NF2: variants seen among roughly 807,000 people sequenced by gnomAD.
NF2 encodes the protein merlin.
In NF2, 8 loss-of-function variants were observed where a neutral mutation model predicts 83.7. The ratio of observed to expected loss-of-function variants is 0.10; its 90% CI spans 0.06 to 0.17. The LOEUF is 0.17. Among genes scored for constraint, NF2 ranks in the 10% least tolerant of loss-of-function variants. The pLI, the probability that NF2 is intolerant of heterozygous loss-of-function variation, is 1.00. For synonymous variants in NF2, 266 were observed against 269.6 expected, an observed-to-expected ratio of 0.99 and a Z score of 0.13; for missense variants, 533 against 744.4, an observed-to-expected ratio of 0.72 and a Z score of 3.31.
Position 29,609,036 on chromosome 22 carries a change from T to C in NF2, c.114+4924T>C. 8.5e-6 allele frequency: 6 copies of C among 709,574 alleles called. No homozygotes were observed. The South Asian group carries it at 9.0e-5, about 11-fold the overall frequency. The allele number at this position is 709,574 out of a possible 1,614,324, so 44.0% of individuals were successfully genotyped here. The stretch of plus-strand genomic sequence containing the variant: ...TAATGGATGAACATGCATGTGATGG[T>C]GTCCAAGCCAGAACAGTGGGTAAAG... On this transcript the variant is annotated intron_variant, in intron 1 of 15. Transcript: ENST00000338641.
intron 5 of NF2, among the ~76,000 whole-genome samples, chr22:29,655,284 G>C (rs999157305): frequency 3.9e-5 from 6 of 152,186 alleles, no homozygotes; most frequent in Non-Finnish European, 8.8e-5. Context: ...CCTGAGATGA[G>C]TGAGCATTGC....
chr22:29,628,667 G>A (rs2065432024), intron 1 of NF2, among the ~76,000 whole-genome samples: 1 of 118,256 alleles, frequency 8.5e-6, no homozygotes, highest in African/African-American at 3.3e-5. Context: ...GTCTTGCTCT[G>A]TCACCCTAGC....
At chr22:29,615,990 A>G (rs537959605) in intron 1 of NF2, among the ~76,000 whole-genome samples, 3 of 152,350 alleles carry the variant, frequency 2.0e-5, no homozygotes, top group Admixed American at 6.5e-5. Flanking sequence ...TTACTTGGCA[A>G]TAAAATAGAA....
intron 10 of NF2, among the ~76,000 whole-genome samples, chr22:29,670,708 A>G (rs906239198): frequency 6.6e-6 from 1 of 152,174 alleles, no homozygotes; most frequent in Non-Finnish European, 1.5e-5. Context: ...GTACCCTGGG[A>G]TCACAGAGGA....
chr22:29,641,355 T>C (rs563171562), intron 3 of NF2, among the ~76,000 whole-genome samples: 2 of 152,362 alleles, frequency 1.3e-5, no homozygotes, highest in East Asian at 3.9e-4. Flanking sequence ...CCTAATGTTA[T>C]AGAAATGGCT....
intron 4 of NF2, among the ~76,000 whole-genome samples, chr22:29,651,904 G>C (rs2066159107): frequency 6.6e-6 from 1 of 152,136 alleles, no homozygotes; most frequent in African/African-American, 2.4e-5. Context: ...GCAACTAACA[G>C]GGCTTTCTTT....
intron 1 of NF2, 47 bp downstream of exon 1, chr22:29,604,159 A>G: frequency 6.9e-7 from 1 of 1,454,490 alleles, no homozygotes; most frequent in Non-Finnish European, 9.5e-7. Flanking sequence ...TCGAGGTGGA[A>G]GCTCGAGAGG....
In NF2 at chr22:29,636,715, C is replaced by T. The variant is rs1250506058; in HGVS notation, c.115-36C>T. 1 of 1,613,974 alleles carries T rather than the reference C, an allele frequency of 6.2e-7. No homozygotes were observed. The highest frequency in any genetic ancestry group is 8.5e-7 in the Non-Finnish European group (1 of 1,179,900). On this transcript the variant is annotated intron_variant, in intron 1 of 15. Coordinates refer to ENST00000338641, the MANE Select transcript of NF2 (RefSeq NM_000268.4). The surrounding 1 kb of genome is among the most constrained non-coding windows in gnomAD (Gnocchi z 4.4). ...GAAAAGGTTTTATTAATGATTTTTG[C>T]TCACAGTGTCCTTCCCCATTGGTTT...
At chr22:29,684,320 G>A (rs968900150) in intron 15 of NF2, among the ~76,000 whole-genome samples, 31 of 152,142 alleles carry the variant, frequency 2.0e-4, no homozygotes, top group African/African-American at 7.2e-5. Context: ...GCATTGTCAC[G>A]GGCAGGCCAG....
At chr22:29,621,754 C>T (rs1477854078) in intron 1 of NF2, among the ~76,000 whole-genome samples, 2 of 152,180 alleles carry the variant, frequency 1.3e-5, no homozygotes, top group Non-Finnish European at 2.9e-5. Flanking sequence ...TTCTCAGCCT[C>T]TCCTCCACTT....
rs1569323700 is a variant in NF2, at chr22:29,698,576, A to G, written c.*3774A>G. The G allele has an allele frequency of 5.4e-6, 1 of 184,300 alleles. No individual in the cohort carries two copies. The highest frequency in any genetic ancestry group is 2.0e-4 in the South Asian group (1 of 5,092). The allele number at this position is 184,300 out of a possible 1,614,324, so 11.4% of individuals were successfully genotyped here. ...CGATTATAACTTAAATGATTGTTTT[A>G]ATAAAAATTCTAAGCTGGAAAATAC... On this transcript the variant is annotated 3_prime_UTR_variant, in exon 16 of 16. Transcript: ENST00000338641.
At chr22:29,663,901 T>G (rs1411982941) in intron 8 of NF2, among the ~76,000 whole-genome samples, 1 of 152,366 alleles carries the variant, frequency 6.6e-6, no homozygotes, top group South Asian at 2.1e-4. Flanking sequence ...GCTTTCCTGC[T>G]AGTGGTCTAA....
chr22:29,688,221 T>G (rs1318282207), intron 15 of NF2, among the ~76,000 whole-genome samples: 1 of 152,192 alleles, frequency 6.6e-6, no homozygotes, highest in African/African-American at 2.4e-5. Context: ...CCTGCCTAGG[T>G]ACTTTACCAC....
intron 13 of NF2, 50 bp downstream of exon 13, chr22:29,674,991 T>C (rs1456352055): frequency 6.8e-7 from 1 of 1,475,488 alleles, no homozygotes; most frequent in Admixed American, 2.0e-5. Flanking sequence ...GGTGATGTTC[T>C]CTTTCCTCCC....
chr22:29,648,575 T>C (rs1204202834), intron 4 of NF2, among the ~76,000 whole-genome samples: 2 of 152,216 alleles, frequency 1.3e-5, no homozygotes, highest in Admixed American at 6.5e-5. Context: ...CAGAGGAATC[T>C]CTGCACACAC....
intron 12 of NF2, among the ~76,000 whole-genome samples, chr22:29,673,707 C>G (rs1332013362): frequency 6.6e-6 from 1 of 152,212 alleles, no homozygotes; most frequent in Non-Finnish European, 1.5e-5. Context: ...CCAGGGGGGC[C>G]TCTCTGGTCA....
At chr22:29,618,840 A>G (rs2065139485) in intron 1 of NF2, among the ~76,000 whole-genome samples, 1 of 152,190 alleles carries the variant, frequency 6.6e-6, no homozygotes, top group Non-Finnish European at 1.5e-5. Context: ...AGTTGTCCAT[A>G]ACAGAAGGAA....
chr22:29,619,939 T>C (rs2065173298), intron 1 of NF2, among the ~76,000 whole-genome samples: 1 of 152,166 alleles, frequency 6.6e-6, no homozygotes, highest in African/African-American at 2.4e-5. Context: ...CCTCATTTGA[T>C]ATAACAGGGA....
At chr22:29,655,065 G>A (rs1164172481) in intron 5 of NF2, among the ~76,000 whole-genome samples, 4 of 152,108 alleles carry the variant, frequency 2.6e-5, no homozygotes, top group African/African-American at 7.2e-5. Flanking sequence ...GGCGAGGGGC[G>A]GATAGAGGAG....
Sources: gnomAD v4.1 joint callset for allele counts (sites outside exome capture counted in the v4.1 genomes callset) on GRCh38, gnomAD v4.1.1 for gene constraint, Gnocchi (gnomAD v3.1) non-coding constraint, MANE v1.5 for transcripts, NCBI Gene and HGNC (gene_info 2026-07-23, HGNC 2026-07-21) for gene names.